ELAC2: variants seen among roughly 807,000 people sequenced by gnomAD.
The protein encoded by ELAC2 is elaC ribonuclease Z 2.
Under a neutral mutation model 105.2 loss-of-function variants are expected in ELAC2, and 92 were observed. That is an observed-to-expected ratio of 0.87 (90% CI 0.74 to 1.04). The LOEUF is 1.04. Among genes scored for constraint, ELAC2 ranks in the 50% least tolerant of loss-of-function variants. The probability of loss-of-function intolerance (pLI) is 0.00; values close to 1 mark genes in which losing one functional copy is unlikely to be tolerated. For missense variants in ELAC2, 1,099 were observed against 1,071.7 expected (o/e 1.03, Z -0.36); for synonymous variants, 468 against 409.1 (o/e 1.14, Z -1.74).
rs770992566 is a variant in ELAC2 at position 13,003,566 on chromosome 17, C to G, written c.992G>C (p.Gly331Ala). ...CAAGGCCACGGGGGCATCTGCCTTT[C>G]CTTGGTACCTGGGCAGAAGAGTGGG... is the stretch of plus-strand genomic sequence containing the variant. Reference protein sequence around the residue: ...CENATFQRYQGKADAPVALVV... With the variant: ...CENATFQRYQAKADAPVALVV... Residue 331 changes from glycine (G) to alanine (A), a missense_variant, in exon 12 of 24, where the codon GGA becomes GCA. Transcript: ENST00000338034. 13 of 1,614,114 alleles carry G rather than the reference C, an allele frequency of 8.1e-6. No homozygotes were observed. In the East Asian group the frequency reaches 2.7e-4, roughly 33 times the overall value.
intron 5 of ELAC2, 148 bp downstream of exon 5, chr17:13,014,290 CA>C (rs959230890): frequency 0.15 from 53,458 of 363,640 alleles, 3 homozygotes; most frequent in East Asian, 0.21. Context: ...AGACTCTATC[CA>C]AAAAAAAAAA....
intron 8 of ELAC2, among the ~76,000 whole-genome samples, chr17:13,008,942 G>A (rs1290731049): frequency 6.6e-6 from 1 of 152,178 alleles, no homozygotes; most frequent in Non-Finnish European, 1.5e-5. Flanking sequence ...TAGGGCAACT[G>A]CCCGAGTGTG....
chr17:13,016,745 C>CA lies in ELAC2; in HGVS notation c.367+116dup, dbSNP rs879009279. 90,919 of 631,202 alleles carry CA rather than the reference C, an allele frequency of 0.14. 1,051 individuals are homozygous for CA. Among genetic ancestry groups the CA allele is most frequent in the African/African-American group, 0.18 (5,196 of 29,000 alleles). The allele number at this position is 631,202 out of a possible 1,614,324, so 39.1% of individuals were successfully genotyped here. A position where few individuals can be genotyped will look rare whatever the true frequency, so the allele number is the denominator to read the frequency against. On this transcript the variant is annotated intron_variant, in intron 3 of 23. Coordinates refer to ENST00000338034, the MANE Select transcript of ELAC2 (RefSeq NM_018127.7). ...CAGTGAGCCAAGATCACGCCACTGA[C>CA]AAAAAAAAAAAAAAAAAAAAAAGTA... is the stretch of plus-strand genomic sequence containing the variant.
chr17:13,011,768 CCCT>C lies in ELAC2; in HGVS notation c.571_573del (p.Arg191del). 1 of 1,614,138 alleles carries C rather than the reference CCCT, an allele frequency of 6.2e-7. No individual in the cohort carries two copies. Among genetic ancestry groups the C allele is most frequent in the Non-Finnish European group, 8.5e-7 (1 of 1,180,034 alleles). On this transcript the variant is annotated inframe_deletion, in exon 7 of 24. Transcript: ENST00000338034. ...GGACTCTGCCATGGTTGGTGCTTTCCCCTCCTCTGTTCACCTGGTCAGTACAGA... is the reference window on the plus strand; with the variant it reads ...GGACTCTGCCATGGTTGGTGCTTTCCCCTCTGTTCACCTGGTCAGTACAGA...
chr17:13,015,374 G>A (rs2041660483), intron 4 of ELAC2, among the ~76,000 whole-genome samples: 1 of 152,202 alleles, frequency 6.6e-6, no homozygotes, highest in East Asian at 1.9e-4. Flanking sequence ...TCTCAAGAGT[G>A]TAATAAGCTG....
intron 6 of ELAC2, 36 bp downstream of exon 6, chr17:13,013,171 C>T (rs1344315875): frequency 6.2e-7 from 1 of 1,606,780 alleles, no homozygotes; most frequent in African/African-American, 1.3e-5. Context: ...TCAGGACGTA[C>T]ACCCTCCTCC....
At chr17:13,011,928 T>C in intron 6 of ELAC2, 146 bp from the exon 7 acceptor site, 2 of 1,328,312 alleles carry the variant, frequency 1.5e-6, no homozygotes, top group South Asian at 1.3e-5. Flanking sequence ...GTTAGTTAAC[T>C]TCCTACCTGG....
chr17:12,995,746 G>A lies in ELAC2; in HGVS notation c.1765C>T (p.Gln589Ter). 2 of 1,613,046 alleles carry A rather than the reference G, an allele frequency of 1.2e-6. No homozygotes were observed. Among genetic ancestry groups the A allele is most frequent in the South Asian group, 1.1e-5 (1 of 90,746 alleles). ...VAPNQLKAWL[Q>*]QYHNQCQEVL... ...TCCTGGCACTGGTTGTGGTACTGCT[G>A]GAGCCAGGCTTTGAGCTGGTTGGGG... Residue 589 changes from glutamine (Q) to a stop codon, truncating the protein, a stop_gained, in exon 19 of 24, where the codon CAG (glutamine) becomes TAG (stop). Transcript: ENST00000338034. LOFTEE classifies it high-confidence loss of function.
At chr17:13,011,550 G>T in intron 7 of ELAC2, 113 bp downstream of exon 7, 1 of 1,551,092 alleles carries the variant, frequency 6.4e-7, no homozygotes, top group Non-Finnish European at 8.9e-7. Flanking sequence ...CAGGAAGAAG[G>T]ATCTGTTTAC....
At chr17:13,006,379 AAT>A (rs1242632300) in intron 8 of ELAC2, 16 of 233,512 alleles carry the variant, frequency 6.9e-5, no homozygotes, top group South Asian at 2.3e-4. Flanking sequence ...CAAAAAAAAA[AAT>A]AAAAAATAAA....
Position 13,005,987 on chromosome 17 carries a change from AAAGAG to A in ELAC2, c.739-13_739-9del. ...TCCTCTCTTTAAGTGAAGCTGCAAC[AAAGAG>A]AACATAGATGTGATCTTAGGGGCTA... On this transcript the variant is annotated splice_polypyrimidine_tract_variant and intron_variant, in intron 8 of 23. Coordinates refer to ENST00000338034, the MANE Select transcript of ELAC2 (RefSeq NM_018127.7). 5.6e-6 allele frequency: 9 copies of A among 1,614,070 alleles called. No individual in the cohort carries two copies. The highest frequency in any genetic ancestry group is 7.6e-6 in the Non-Finnish European group (9 of 1,179,890).
chr17:13,016,568 G>T (rs894569714), intron 3 of ELAC2, among the ~76,000 whole-genome samples: 2 of 151,914 alleles, frequency 1.3e-5, no homozygotes, highest in African/African-American at 2.4e-5. Flanking sequence ...GAGGATCGCA[G>T]AAGTTTGAGA....
In ELAC2 at chr17:12,992,227, T is replaced by C. The variant is rs184498093; in HGVS notation, c.*591A>G. Among the ~76,000 whole-genome samples the C allele has an allele frequency of 1.4e-3, 211 of 152,276 alleles. No homozygotes were observed. Among genetic ancestry groups the C allele is most frequent in the African/African-American group, 3.7e-3 (153 of 41,574 alleles). ...GACTTGGCGAATAAGGGTGGCTCTC[T>C]GAGGACAGGTTCCAGAGGTGCTCAC... On this transcript the variant is annotated 3_prime_UTR_variant, in exon 24 of 24. Coordinates refer to ENST00000338034, the MANE Select transcript of ELAC2 (RefSeq NM_018127.7).
chr17:13,000,568 T>A (rs1443596909), intron 14 of ELAC2: 1 of 426,146 alleles, frequency 2.3e-6, no homozygotes, highest in African/African-American at 2.0e-5. Context: ...CTCTACCCAC[T>A]AGCAGCACCA....
At chr17:13,013,137 T>C in intron 6 of ELAC2, 70 bp downstream of exon 6, 1 of 1,564,126 alleles carries the variant, frequency 6.4e-7, no homozygotes, top group South Asian at 1.1e-5. Context: ...GTTCAGTTTC[T>C]ATTTTCATCC....
At chr17:12,995,271 C>T (rs891101806) in intron 19 of ELAC2, among the ~76,000 whole-genome samples, 5 of 152,208 alleles carry the variant, frequency 3.3e-5, no homozygotes, top group African/African-American at 9.6e-5. Flanking sequence ...CAGGTGAATG[C>T]TGCCTCCGGC....
At chr17:13,001,586 C>A (rs2040815763) in intron 14 of ELAC2, among the ~76,000 whole-genome samples, 1 of 152,100 alleles carries the variant, frequency 6.6e-6, no homozygotes, top group African/African-American at 2.4e-5. Context: ...TTGGATTGTA[C>A]TGGAAGAGGC....
rs747582461 is a variant in ELAC2 at position 13,005,844 on chromosome 17, G to A, written c.798-19C>T. 1.5e-5 allele frequency: 24 copies of A among 1,614,134 alleles called. 1 individual carries two copies. The highest frequency in any genetic ancestry group is 1.3e-4 in the South Asian group (12 of 91,076). ...TGTCCCACTGAAATGAAGAGGCAAG[G>A]CCTCTGTGAAATGTGATTTCCTTAA... On this transcript the variant is annotated intron_variant, in intron 9 of 23. Transcript: ENST00000338034.
rs2041850937 is a variant in ELAC2 at position 13,018,014 on chromosome 17, T to A, written c.-67A>T. On this transcript the variant is annotated 5_prime_UTR_variant, in exon 1 of 24. It removes the in-frame stop codon of an upstream open reading frame in the 5' UTR. Transcript: ENST00000338034. ...ACGCCCGCGTTTCCCGTGCACCACCTAGCCGCTCCGCATGGCGGATCCAGC... is the reference window on the plus strand; with the variant it reads ...ACGCCCGCGTTTCCCGTGCACCACCAAGCCGCTCCGCATGGCGGATCCAGC... 2.0e-6 allele frequency: 3 copies of A among 1,532,002 alleles called. No individual in the cohort carries two copies. The highest frequency in any genetic ancestry group is 2.6e-6 in the Non-Finnish European group (3 of 1,145,794). The allele number at this position is 1,532,002 out of a possible 1,614,324, so 94.9% of individuals were successfully genotyped here.
Sources: allele counts gnomAD v4.1 joint callset (sites outside exome capture counted in the v4.1 genomes callset), GRCh38; gene constraint gnomAD v4.1.1; transcripts MANE v1.5; gene names NCBI Gene and HGNC (gene_info 2026-07-23, HGNC 2026-07-21).